EP300: variants seen among roughly 807,000 people sequenced by gnomAD.
The protein encoded by EP300 is EP300 lysine acetyltransferase, also known as histone acetyltransferase p300.
In EP300, 31 loss-of-function variants were observed where a neutral mutation model predicts 264.0. That is an observed-to-expected ratio of 0.12 (90% CI 0.09 to 0.16). EP300 has a LOEUF of 0.16. Among genes scored for constraint, EP300 ranks in the 10% least tolerant of loss-of-function variants. The pLI is 1.00. For missense variants in EP300, 2,766 were observed against 3,052.9 expected (o/e 0.91, Z 2.21); for synonymous variants, 1,340 against 1,045.4 (o/e 1.28, Z -5.44).
chr22:41,165,040 G>C (rs1193462759), intron 22 of EP300, among the ~76,000 whole-genome samples: 1 of 152,188 alleles, frequency 6.6e-6, no homozygotes, highest in East Asian at 1.9e-4. Flanking sequence ...CAGGCTAATT[G>C]ACAGATTTCA....
intron 1 of EP300, among the ~76,000 whole-genome samples, chr22:41,095,257 T>TTTTTTTA (rs1465558605): frequency 7.8e-6 from 1 of 128,906 alleles, no homozygotes; most frequent in African/African-American, 3.1e-5. Flanking sequence ...TTTTTTTTTT[T>TTTTTTTA]GAGATGGAGT....
At position 41,166,652 on chromosome 22, in the gene EP300, A is replaced by G. The variant is rs1391290844; in HGVS notation, c.3860A>G (p.Lys1287Arg). The G allele has an allele frequency of 1.9e-6, 3 of 1,611,766 alleles. No individual in the cohort carries two copies. The highest frequency in any genetic ancestry group is 2.5e-6 in the Non-Finnish European group (3 of 1,178,874). ...KKSARTRKEN[K>R]FSAKRLPSTR... Reference sequence around the variant, plus strand: ...AGTGCACGAACTAGGAAAGAAAATAAGTTTTCTGCTAAAAGTAAGTTTTAT... The same window carrying G: ...AGTGCACGAACTAGGAAAGAAAATAGGTTTTCTGCTAAAAGTAAGTTTTAT... Residue 1287 changes from lysine to arginine, a missense_variant, in exon 23 of 31, where the codon AAG becomes AGG. Lys to Arg is a conservative substitution (Grantham distance 26). Transcript: ENST00000263253.
At chr22:41,122,457 T>G (rs1419137149) in intron 2 of EP300, among the ~76,000 whole-genome samples, 1 of 152,138 alleles carries the variant, frequency 6.6e-6, no homozygotes, top group African/African-American at 2.4e-5. Context: ...TGAGCCACCG[T>G]GCCCGACCAA....
chr22:41,152,780 G>A lies in EP300; in HGVS notation c.3142+430G>A, dbSNP rs546271262. Among the ~76,000 whole-genome samples, 35 of 150,244 alleles carry A rather than the reference G, an allele frequency of 2.3e-4. 1 individual carries two copies. The highest frequency in any genetic ancestry group is 4.4e-4 in the Non-Finnish European group (30 of 67,642). On this transcript the variant is annotated intron_variant, in intron 16 of 30. Transcript: ENST00000263253. ...TTTCTTTTCTTTTTTGTTTGGAATC[G>A]GATTCTCACTTTTGTTGTTCAGGCT...
At chr22:41,161,709 C>G (rs560990064) in intron 20 of EP300, among the ~76,000 whole-genome samples, 1 of 152,242 alleles carries the variant, frequency 6.6e-6, no homozygotes, top group East Asian at 1.9e-4. Context: ...AAAAACTGTT[C>G]AGTGTAATTT....
intron 6 of EP300, among the ~76,000 whole-genome samples, chr22:41,132,431 G>C (rs1432298786): frequency 6.6e-6 from 1 of 151,486 alleles, no homozygotes; most frequent in Non-Finnish European, 1.5e-5. Flanking sequence ...GGGACTACAG[G>C]CGCGTGCCAC....
intron 12 of EP300, 64 bp from the exon 13 acceptor site, chr22:41,148,974 T>C (rs2145735531): frequency 6.2e-7 from 1 of 1,608,590 alleles, no homozygotes; most frequent in South Asian, 1.1e-5. Flanking sequence ...ATTTGATGAT[T>C]TTAGTTATAG....
At chr22:41,136,191 A>G (rs762848012) in intron 7 of EP300, among the ~76,000 whole-genome samples, 1 of 152,138 alleles carries the variant, frequency 6.6e-6, no homozygotes, top group African/African-American at 2.4e-5. Flanking sequence ...ATGCCCAGCT[A>G]ATTTTTGTAC....
chr22:41,160,570 G>A (rs1375593098), intron 19 of EP300, 72 bp from the exon 20 acceptor site: 13 of 1,455,868 alleles, frequency 8.9e-6, no homozygotes, highest in Non-Finnish European at 1.2e-5. Context: ...GTGATTGGTG[G>A]CTTCGTTGCT....
chr22:41,179,848 C>A lies in EP300; in HGVS notation c.*892C>A. On this transcript the variant is annotated 3_prime_UTR_variant, in exon 31 of 31. Transcript: ENST00000263253. ...AATGTCCCTGGGGGTTTCTTCTTTG[C>A]TTGCTTTCTTCCTCCTTACCCTACC... 4.6e-6 allele frequency: 1 copy of A among 216,222 alleles called. No homozygotes were observed. Among genetic ancestry groups the A allele is most frequent in the Non-Finnish European group, 9.2e-6 (1 of 108,858 alleles). 13.4% of individuals were successfully genotyped at this position (216,222 alleles called of 1,614,324 possible).
chr22:41,113,081 TCA>T (rs781390079), intron 1 of EP300, among the ~76,000 whole-genome samples: 1 of 151,888 alleles, frequency 6.6e-6, no homozygotes, highest in Non-Finnish European at 1.5e-5. Flanking sequence ...CACCCATTTC[TCA>T]GTCTGTACCT....
intron 20 of EP300, 134 bp downstream of exon 20, chr22:41,160,856 A>G: frequency 1.3e-6 from 1 of 785,414 alleles, no homozygotes; most frequent in Non-Finnish European, 2.2e-6. Flanking sequence ...ATTTAAATGC[A>G]TATTAATTTA....
At chr22:41,119,903 C>T (rs2058842998) in intron 2 of EP300, among the ~76,000 whole-genome samples, 1 of 152,114 alleles carries the variant, frequency 6.6e-6, no homozygotes, top group Admixed American at 6.5e-5. Context: ...CAACCTCTGC[C>T]TCCCGGGTTC....
chr22:41,150,241 C>T, intron 14 of EP300, 43 bp downstream of exon 14: 1 of 1,548,018 alleles, frequency 6.5e-7, no homozygotes. Context: ...TAGAGCTATA[C>T]TGTAGTATTA....
chr22:41,115,794 G>A (rs12170429), intron 1 of EP300, among the ~76,000 whole-genome samples: 2,689 of 152,250 alleles, frequency 0.018, 73 homozygotes, highest in African/African-American at 0.062. Context: ...GCTAGACTTT[G>A]GTTAAGGAAA....
At chr22:41,139,880 C>A (rs1487694408) in intron 8 of EP300, among the ~76,000 whole-genome samples, 1 of 152,100 alleles carries the variant, frequency 6.6e-6, no homozygotes, top group Non-Finnish European at 1.5e-5. Context: ...TAGTATGTAA[C>A]CCAAAGTAAT....
At chr22:41,163,925 T>G (rs1601629210) in intron 21 of EP300, 128 bp from the exon 22 acceptor site, 4 of 896,132 alleles carry the variant, frequency 4.5e-6, no homozygotes, top group East Asian at 2.5e-5. Flanking sequence ...AATAGAAACT[T>G]TATTAAAACT....
intron 2 of EP300, among the ~76,000 whole-genome samples, chr22:41,124,942 G>T (rs868041850): frequency 5.4e-4 from 82 of 151,316 alleles, no homozygotes; most frequent in African/African-American, 1.9e-3. Flanking sequence ...GGTTTTTTTT[G>T]TTTGTTTGTT....
At chr22:41,132,362 A>G (rs1228602556) in intron 6 of EP300, among the ~76,000 whole-genome samples, 1 of 127,340 alleles carries the variant, frequency 7.9e-6, no homozygotes, top group Non-Finnish European at 1.6e-5. Flanking sequence ...ATCTCGGCTC[A>G]CTGCAACCTC....
Sources: gnomAD v4.1 joint callset for allele counts (sites outside exome capture counted in the v4.1 genomes callset) on GRCh38, gnomAD v4.1.1 for gene constraint, MANE v1.5 for transcripts, NCBI Gene and HGNC (gene_info 2026-07-23, HGNC 2026-07-21) for gene names.